SPACA4: variants seen among roughly 807,000 people sequenced by gnomAD.
SPACA4 encodes sperm acrosome associated 4, also known as sperm acrosome membrane-associated protein 4.
For synonymous variants in SPACA4, 63 were observed against 77.5 expected (o/e 0.81, Z 0.98); for missense variants, 130 against 169.4 (o/e 0.77, Z 1.29).
At position 48,607,353 on chromosome 19, in the gene SPACA4, A is replaced by G. The variant is rs1287059968; in HGVS notation, c.375A>G (p.Ter125TrpextTer61). The G allele has an allele frequency of 4.4e-6, 7 of 1,582,462 alleles. No homozygotes were observed. Among genetic ancestry groups the G allele is most frequent in the Middle Eastern group, 1.7e-4 (1 of 5,984 alleles). The change falls in exon 1 of 1, where the codon TGA becomes TGG. Residue 125 changes from the stop codon to tryptophan (W), a stop_lost. Coordinates refer to ENST00000321762, the MANE Select transcript of SPACA4 (RefSeq NM_133498.3). The part of the protein sequence containing the change: ...LGMLLPPRLL[*>W] ...TGCTGCTTCCTCCACGTTTGCTGTG[A>G]CCAACAGGGAGGACAGGGCCTGGGA...
In SPACA4 at chr19:48,606,827, G is replaced by C. The variant is rs918731593; in HGVS notation, c.-152G>C. On this transcript the variant is annotated 5_prime_UTR_variant, in exon 1 of 1. Coordinates refer to ENST00000321762, the MANE Select transcript of SPACA4 (RefSeq NM_133498.3). ...AGAGGGACGCAGGGCGTTGGGAACA[G>C]AGGACACTCCAGGCGCTGACCCTGG... 5 of 936,448 alleles carry C rather than the reference G, an allele frequency of 5.3e-6. No individual in the cohort carries two copies. In the South Asian group the frequency reaches 8.7e-5, roughly 16 times the overall value. The allele number at this position is 936,448 out of a possible 1,614,324, so 58.0% of individuals were successfully genotyped here.
In SPACA4 at chr19:48,606,937, C is replaced by T. The variant is rs1317152241; in HGVS notation, c.-42C>T. ...CAGCGGTTCCGGGAGGTCTGGGAAG[C>T]CCACGGCCTGGCTGGGGCAGGGTCA... On this transcript the variant is annotated 5_prime_UTR_variant, in exon 1 of 1. Coordinates refer to ENST00000321762, the MANE Select transcript of SPACA4 (RefSeq NM_133498.3). 1 of 1,588,194 alleles carries T rather than the reference C, an allele frequency of 6.3e-7. No individual in the cohort carries two copies. The highest frequency in any genetic ancestry group is 8.5e-7 in the Non-Finnish European group (1 of 1,172,470).
rs1310115795 is a variant in SPACA4, at chr19:48,606,964, C to CGCCGCCAG, written c.-7_1dup. On this transcript the variant is annotated 5_prime_UTR_variant, in exon 1 of 1. Coordinates refer to ENST00000321762, the MANE Select transcript of SPACA4 (RefSeq NM_133498.3). Reference sequence around the variant, plus strand: ...CACGGCCTGGCTGGGGCAGGGTCAACGCCGCCAGGCCGCCATGGTCCTGTG... The same window carrying CGCCGCCAG: ...CACGGCCTGGCTGGGGCAGGGTCAACGCCGCCAGGCCGCCAGGCCGCCATGGTCCTGTG... The CGCCGCCAG allele has an allele frequency of 5.0e-6, 8 of 1,599,418 alleles. No individual in the cohort carries two copies. The highest frequency in any genetic ancestry group is 6.8e-6 in the Non-Finnish European group (8 of 1,177,558).
Position 48,607,090 on chromosome 19 carries a change from T to C in SPACA4, c.112T>C (p.Tyr38His), listed in dbSNP as rs748791366. 4 of 1,613,284 alleles carry C rather than the reference T, an allele frequency of 2.5e-6. No individual in the cohort carries two copies. Among genetic ancestry groups the C allele is most frequent in the Admixed American group, 1.7e-5 (1 of 60,030 alleles). ...CGACTCCATGCAGTGTCCTGGTACC[T>C]ACATGCACTGTGGCGATGACGAGGA... Reference protein sequence around the residue: ...LTDSMQCPGTYMHCGDDEDCF... With the variant: ...LTDSMQCPGTHMHCGDDEDCF... Residue 38 changes from tyrosine (Y) to histidine (H), a missense_variant, in exon 1 of 1, where the codon TAC becomes CAC. Coordinates refer to ENST00000321762, the MANE Select transcript of SPACA4 (RefSeq NM_133498.3).
Position 48,607,065 on chromosome 19 carries a change from C to A in SPACA4, c.87C>A (p.Thr29=), listed in dbSNP as rs547283981. 6.2e-7 allele frequency: 1 copy of A among 1,613,052 alleles called. No individual in the cohort carries two copies. Among genetic ancestry groups the A allele is most frequent in the Non-Finnish European group, 8.5e-7 (1 of 1,179,994 alleles). Residue 29 remains threonine, a synonymous_variant, in exon 1 of 1, where the codon ACC becomes ACA. Transcript: ENST00000321762. ...AGGACTGCGTCTTCTGTGAGCTCACCGACTCCATGCAGTGTCCTGGTACCT... is the reference window on the plus strand; with the variant it reads ...AGGACTGCGTCTTCTGTGAGCTCACAGACTCCATGCAGTGTCCTGGTACCT... The part of the protein sequence containing the change: ...GVKDCVFCEL[T]DSMQCPGTYM...
Position 48,607,021 on chromosome 19 carries a change from C to T in SPACA4, c.43C>T (p.Pro15Ser). 6.2e-7 allele frequency: 1 copy of T among 1,611,258 alleles called. No homozygotes were observed. The highest frequency in any genetic ancestry group is 8.5e-7 in the Non-Finnish European group (1 of 1,179,956). ...GCTGCTTCTGGTGATGGCTCTGCCC[C>T]CAGGCACGACGGGCGTCAAGGACTG... ...WLLLLVMALPPGTTGVKDCVF... is the reference protein window; with the variant it reads ...WLLLLVMALPSGTTGVKDCVF... The change falls in exon 1 of 1, where the codon CCA (proline) becomes TCA (serine). Residue 15 changes from proline to serine, a missense_variant. Coordinates refer to ENST00000321762, the MANE Select transcript of SPACA4 (RefSeq NM_133498.3).
chr19:48,607,093 A>G lies in SPACA4; in HGVS notation c.115A>G (p.Met39Val), dbSNP rs770710745. The G allele has an allele frequency of 5.6e-6, 9 of 1,613,236 alleles. No individual in the cohort carries two copies. The highest frequency in any genetic ancestry group is 1.1e-5 in the South Asian group (1 of 91,090). The change falls in exon 1 of 1, where the codon ATG becomes GTG. Residue 39 changes from methionine (M) to valine (V), a missense_variant. Physicochemically the swap from Met to Val is conservative, Grantham distance 21 (BLOSUM62 1). Transcript: ENST00000321762. Reference protein sequence around the residue: ...TDSMQCPGTYMHCGDDEDCFT... With the variant: ...TDSMQCPGTYVHCGDDEDCFT... ...CTCCATGCAGTGTCCTGGTACCTAC[A>G]TGCACTGTGGCGATGACGAGGACTG...
chr19:48,607,557 G>A lies in SPACA4; in HGVS notation c.*204G>A, dbSNP rs1460542508. The A allele has an allele frequency of 6.0e-6, 4 of 669,214 alleles. No homozygotes were observed. Among genetic ancestry groups the A allele is most frequent in the South Asian group, 2.0e-5 (1 of 48,956 alleles). The allele number at this position is 669,214 out of a possible 1,614,324, so 41.5% of individuals were successfully genotyped here. A position where few individuals can be genotyped will look rare whatever the true frequency, so the allele number is the denominator to read the frequency against. On this transcript the variant is annotated 3_prime_UTR_variant, in exon 1 of 1. Coordinates refer to ENST00000321762, the MANE Select transcript of SPACA4 (RefSeq NM_133498.3). ...ACTGAGCGGCAGGGGAGCACGGCCC[G>A]TGGGTTTGATTGTATTACTCTGTTC... is the stretch of plus-strand genomic sequence containing the variant.
In SPACA4 at chr19:48,607,317, G is replaced by A. The variant is rs1176750530; in HGVS notation, c.339G>A (p.Leu113=). Residue 113 remains leucine (L), a synonymous_variant, in exon 1 of 1, where the codon CTG becomes CTA. Transcript: ENST00000321762. ...TGGGGGCCACCACCAGCCTGGCACT[G>A]GGGCTGGGTATGCTGCTTCCTCCAC... The part of the protein sequence containing the change: ...QTVGATTSLA[L]GLGMLLPPRL... 1.3e-6 allele frequency: 2 copies of A among 1,596,210 alleles called. No homozygotes were observed. The highest frequency in any genetic ancestry group is 2.7e-5 in the African/African-American group (2 of 74,678).
rs1035930964 is a variant in SPACA4, at chr19:48,606,817, G to A, written c.-162G>A. On this transcript the variant is annotated 5_prime_UTR_variant, in exon 1 of 1. Coordinates refer to ENST00000321762, the MANE Select transcript of SPACA4 (RefSeq NM_133498.3). ...CCCAGGACTTAGAGGGACGCAGGGC[G>A]TTGGGAACAGAGGACACTCCAGGCG... 32 of 832,380 alleles carry A rather than the reference G, an allele frequency of 3.8e-5. No individual in the cohort carries two copies. The highest frequency in any genetic ancestry group is 1.7e-4 in the African/African-American group (10 of 58,170). 51.6% of individuals were successfully genotyped at this position (832,380 alleles called of 1,614,324 possible). A position where few individuals can be genotyped will look rare whatever the true frequency, so the allele number is the denominator to read the frequency against.
chr19:48,607,688 T>A lies in SPACA4; in HGVS notation c.*335T>A, dbSNP rs1973960811. 1 of 267,528 alleles carries A rather than the reference T, an allele frequency of 3.7e-6. No homozygotes were observed. The highest frequency in any genetic ancestry group is 4.8e-5 in the Admixed American group (1 of 20,900). The allele number at this position is 267,528 out of a possible 1,614,324, so 16.6% of individuals were successfully genotyped here. ...TATGGTAAAAAATATATATATATCA[T>A]AATAAATGACAGCTGATGTTCATGG... On this transcript the variant is annotated 3_prime_UTR_variant, in exon 1 of 1. Coordinates refer to ENST00000321762, the MANE Select transcript of SPACA4 (RefSeq NM_133498.3).
chr19:48,607,633 T>G lies in SPACA4; in HGVS notation c.*280T>G. The G allele has an allele frequency of 2.1e-6, 1 of 474,110 alleles. No individual in the cohort carries two copies. The highest frequency in any genetic ancestry group is 3.2e-5 in the East Asian group (1 of 31,650). 29.4% of individuals were successfully genotyped at this position (474,110 alleles called of 1,614,324 possible). ...TCACATCTCAATCAGGATGCTTCTC[T>G]CCATTGGTAGCACTTTAGAGTCCAT... On this transcript the variant is annotated 3_prime_UTR_variant, in exon 1 of 1. Coordinates refer to ENST00000321762, the MANE Select transcript of SPACA4 (RefSeq NM_133498.3).
Position 48,607,531 on chromosome 19 carries a change from G to T in SPACA4, c.*178G>T. On this transcript the variant is annotated 3_prime_UTR_variant, in exon 1 of 1. Transcript: ENST00000321762. Reference sequence around the variant, plus strand: ...TGCTAGGGGAAGCATCCCCAGGCCTGACTGAGCGGCAGGGGAGCACGGCCC... The same window carrying T: ...TGCTAGGGGAAGCATCCCCAGGCCTTACTGAGCGGCAGGGGAGCACGGCCC... 3.6e-6 allele frequency: 3 copies of T among 832,982 alleles called. No individual in the cohort carries two copies. The highest frequency in any genetic ancestry group is 5.6e-6 in the Non-Finnish European group (3 of 538,050). 51.6% of individuals were successfully genotyped at this position (832,982 alleles called of 1,614,324 possible). A position where few individuals can be genotyped will look rare whatever the true frequency, so the allele number is the denominator to read the frequency against.
In SPACA4 at chr19:48,607,675, T is replaced by A. The variant is rs551229277; in HGVS notation, c.*322T>A. On this transcript the variant is annotated 3_prime_UTR_variant, in exon 1 of 1. Transcript: ENST00000321762. ...AGAGTCCATGAAATATGGTAAAAAA[T>A]ATATATATATCATAATAAATGACAG... The A allele has an allele frequency of 9.2e-5, 29 of 316,284 alleles. No individual in the cohort carries two copies. The highest frequency in any genetic ancestry group is 1.4e-4 in the Non-Finnish European group (23 of 166,436). The allele number at this position is 316,284 out of a possible 1,614,324, so 19.6% of individuals were successfully genotyped here.
rs753968423 is a variant in SPACA4 at position 48,606,963 on chromosome 19, A to G, written c.-16A>G. On this transcript the variant is annotated 5_prime_UTR_variant, in exon 1 of 1. Transcript: ENST00000321762. ...CCACGGCCTGGCTGGGGCAGGGTCAACGCCGCCAGGCCGCCATGGTCCTGT... is the reference window on the plus strand; with the variant it reads ...CCACGGCCTGGCTGGGGCAGGGTCAGCGCCGCCAGGCCGCCATGGTCCTGT... 15 of 1,599,680 alleles carry G rather than the reference A, an allele frequency of 9.4e-6. No individual in the cohort carries two copies. Among genetic ancestry groups the G allele is most frequent in the Admixed American group, 3.3e-5 (2 of 59,908 alleles).
chr19:48,607,032 G>T lies in SPACA4; in HGVS notation c.54G>T (p.Thr18=). Residue 18 remains threonine, a synonymous_variant, in exon 1 of 1, where the codon ACG becomes ACT. Transcript: ENST00000321762. The part of the protein sequence containing the change: ...LLVMALPPGT[T]GVKDCVFCEL... The stretch of plus-strand genomic sequence containing the variant: ...TGATGGCTCTGCCCCCAGGCACGAC[G>T]GGCGTCAAGGACTGCGTCTTCTGTG... The T allele has an allele frequency of 6.2e-7, 1 of 1,611,946 alleles. No individual in the cohort carries two copies.
Position 48,607,405 on chromosome 19 carries a change from A to G in SPACA4, c.*52A>G, listed in dbSNP as rs764489856. ...TGTTCTCCCAGATCCGCCACTCCCC[A>G]TGTCCCCATGTCCTTCCCCCACTAA... On this transcript the variant is annotated 3_prime_UTR_variant, in exon 1 of 1. Coordinates refer to ENST00000321762, the MANE Select transcript of SPACA4 (RefSeq NM_133498.3). 1 of 1,507,978 alleles carries G rather than the reference A, an allele frequency of 6.6e-7. No homozygotes were observed. The highest frequency in any genetic ancestry group is 8.9e-7 in the Non-Finnish European group (1 of 1,123,208). 93.4% of individuals were successfully genotyped at this position (1,507,978 alleles called of 1,614,324 possible). A position where few individuals can be genotyped will look rare whatever the true frequency, so the allele number is the denominator to read the frequency against.
Position 48,607,375 on chromosome 19 carries a change from G to T in SPACA4, c.*22G>T. On this transcript the variant is annotated 3_prime_UTR_variant, in exon 1 of 1. Coordinates refer to ENST00000321762, the MANE Select transcript of SPACA4 (RefSeq NM_133498.3). ...GTGACCAACAGGGAGGACAGGGCCT[G>T]GGACTGTTCTCCCAGATCCGCCACT... is the stretch of plus-strand genomic sequence containing the variant. 2 of 1,556,766 alleles carry T rather than the reference G, an allele frequency of 1.3e-6. No individual in the cohort carries two copies. The highest frequency in any genetic ancestry group is 1.2e-5 in the South Asian group (1 of 85,222).
In SPACA4 at chr19:48,607,445, C is replaced by T; in HGVS notation, c.*92C>T. The T allele has an allele frequency of 4.8e-6, 7 of 1,450,610 alleles. No individual in the cohort carries two copies. The South Asian group carries it at 9.7e-5, about 20-fold the overall frequency. 89.9% of individuals were successfully genotyped at this position (1,450,610 alleles called of 1,614,324 possible). ...TCCCCCACTAAATGGCCAGAGAGGC[C>T]CTGGACAACCTCTTGCGGCCCTGGC... On this transcript the variant is annotated 3_prime_UTR_variant, in exon 1 of 1. Transcript: ENST00000321762.
Sources: allele counts gnomAD v4.1 joint callset, GRCh38; gene constraint gnomAD v4.1.1; transcripts MANE v1.5; gene names NCBI Gene and HGNC (gene_info 2026-07-23, HGNC 2026-07-21).